Variants in CGB5 observed in about 807,000 individuals in gnomAD.
The protein encoded by CGB5 is chorionic gonadotropin, beta polypeptide 5.
In CGB5, 2 loss-of-function variants were observed where a neutral mutation model predicts 7.6. The ratio of observed to expected loss-of-function variants is 0.26; its 90% CI spans 0.11 to 0.83. The LOEUF (loss-of-function observed/expected upper bound fraction) is 0.83. Among genes scored for constraint, CGB5 ranks in the 40% least tolerant of loss-of-function variants. CGB5 has a pLI of 0.65. For missense variants in CGB5, 48 were observed against 228.2 expected, an observed-to-expected ratio of 0.21 and a Z score of 5.09; for synonymous variants, 25 against 99.8, an observed-to-expected ratio of 0.25 and a Z score of 4.47.
chr19:49,043,945 C>G lies in CGB5; in HGVS notation c.-265C>G, dbSNP rs201518833. 26 of 1,168,984 alleles carry G rather than the reference C, an allele frequency of 2.2e-5. 1 individual carries two copies. In the African/African-American group the frequency reaches 2.5e-4, roughly 11 times the overall value. The allele number at this position is 1,168,984 out of a possible 1,614,324, so 72.4% of individuals were successfully genotyped here. On this transcript the variant is annotated 5_prime_UTR_variant, in exon 1 of 3. Transcript: ENST00000301408. ...ACCCTACTCCCTGTGCCTCCAGGCT[C>G]GACTAGTCCCTAGCACTCGACGACT...
At chr19:49,044,553 G>A (rs1259540924) in intron 1 of CGB5, 24 bp from the exon 2 acceptor site, 1 of 1,518,942 alleles carries the variant, frequency 6.6e-7, no homozygotes, top group Non-Finnish European at 8.8e-7. Context: ...CTCAGACCCG[G>A]GTGAAGCAGT....
At chr19:49,044,844 CG>C (rs2039921514) in intron 2 of CGB5, 100 bp downstream of exon 2, 1 of 1,045,910 alleles carries the variant, frequency 9.6e-7, no homozygotes, top group Non-Finnish European at 1.3e-6. Flanking sequence ...TCAGGGGCTG[CG>C]GAATGGGGTG....
chr19:49,044,093 C>A lies in CGB5; in HGVS notation c.-117C>A, dbSNP rs1027288370. ...CCCCCCTGGCCTTGTCTACCTCTTG[C>A]CCCCCGAAGGGTTAGTGTCGAGCTC... On this transcript the variant is annotated 5_prime_UTR_variant, in exon 1 of 3. Coordinates refer to ENST00000301408, the MANE Select transcript of CGB5 (RefSeq NM_033043.2). 3 of 1,594,690 alleles carry A rather than the reference C, an allele frequency of 1.9e-6. No individual in the cohort carries two copies. In the Admixed American group the frequency reaches 5.0e-5, roughly 27 times the overall value.
At chr19:49,044,449 G>T (rs1018529549) in intron 1 of CGB5, 128 bp from the exon 2 acceptor site, 14 of 1,451,482 alleles carry the variant, frequency 9.6e-6, no homozygotes, top group Admixed American at 2.6e-5. Context: ...TGTCCGGGTG[G>T]TGGGTCCTGA....
At chr19:49,044,898 A>G (rs1484414115) in intron 2 of CGB5, 82 bp from the exon 3 acceptor site, 30 of 1,588,242 alleles carry the variant, frequency 1.9e-5, no homozygotes, top group Non-Finnish European at 2.5e-5. Flanking sequence ...CCTGAGTCTG[A>G]GACCTGTGGG....
At position 49,044,203 on chromosome 19, in the gene CGB5, A is replaced by T; in HGVS notation, c.-7A>T. 1 of 1,613,568 alleles carries T rather than the reference A, an allele frequency of 6.2e-7. No individual in the cohort carries two copies. Among genetic ancestry groups the T allele is most frequent in the Non-Finnish European group, 8.5e-7 (1 of 1,179,854 alleles). ...GCCAGGTACACGAGGCAGGGGACGC[A>T]CCAAGGATGGAGATGTTCCAGGTAA... On this transcript the variant is annotated 5_prime_UTR_variant, in exon 1 of 3. Coordinates refer to ENST00000301408, the MANE Select transcript of CGB5 (RefSeq NM_033043.2).
At chr19:49,044,927 C>T in intron 2 of CGB5, 53 bp from the exon 3 acceptor site, 1 of 1,592,078 alleles carries the variant, frequency 6.3e-7, no homozygotes, top group Non-Finnish European at 8.5e-7. Context: ...GGGAGCTCAG[C>T]TGAGGCGCTG....
chr19:49,044,093 C>T lies in CGB5; in HGVS notation c.-117C>T, dbSNP rs1027288370. The T allele has an allele frequency of 1.1e-5, 18 of 1,594,688 alleles. No individual in the cohort carries two copies. Among genetic ancestry groups the T allele is most frequent in the African/African-American group, 1.3e-5 (1 of 74,262 alleles). ...CCCCCCTGGCCTTGTCTACCTCTTG[C>T]CCCCCGAAGGGTTAGTGTCGAGCTC... On this transcript the variant is annotated 5_prime_UTR_variant, in exon 1 of 3. Transcript: ENST00000301408.
rs757085288 is a variant in CGB5 at position 49,044,182 on chromosome 19, G to A, written c.-28G>A. ...CCCACAACCCCGAGGTATAAAGCCA[G>A]GTACACGAGGCAGGGGACGCACCAA... On this transcript the variant is annotated 5_prime_UTR_variant, in exon 1 of 3. Transcript: ENST00000301408. 6.2e-7 allele frequency: 1 copy of A among 1,613,830 alleles called. No homozygotes were observed. The highest frequency in any genetic ancestry group is 8.5e-7 in the Non-Finnish European group (1 of 1,179,880).
At chr19:49,044,398 C>T (rs1397462633) in intron 1 of CGB5, 174 bp downstream of exon 1, 1 of 982,344 alleles carries the variant, frequency 1.0e-6, no homozygotes, top group African/African-American at 1.8e-5. Flanking sequence ...TTTGGGGCAT[C>T]TCAGGTCCTC....
intron 1 of CGB5, 170 bp downstream of exon 1, chr19:49,044,394 G>A (rs1262944407): frequency 6.9e-5 from 68 of 982,498 alleles, no homozygotes; most frequent in Middle Eastern, 5.2e-4. Flanking sequence ...AAATTTTGGG[G>A]CATCTCAGGT....
In CGB5 at chr19:49,044,919, G is replaced by T. The variant is rs548090953; in HGVS notation, c.184-61G>T. The stretch of plus-strand genomic sequence containing the variant: ...TCTGAGACCTGTGGGGGCAACTGGG[G>T]AGCTCAGCTGAGGCGCTGGCCCCAG... On this transcript the variant is annotated intron_variant, in intron 2 of 2. Transcript: ENST00000301408. The T allele has an allele frequency of 1.2e-4, 192 of 1,591,682 alleles. 1 individual carries two copies. The highest frequency in any genetic ancestry group is 1.1e-3 in the Middle Eastern group (5 of 4,418).
Position 49,044,665 on chromosome 19 carries a change from C to T in CGB5, c.104C>T (p.Thr35Ile), listed in dbSNP as rs199824672. The T allele has an allele frequency of 1.8e-5, 29 of 1,576,360 alleles. No individual in the cohort carries two copies. Among genetic ancestry groups the T allele is most frequent in the South Asian group, 1.7e-4 (15 of 90,080 alleles). The change falls in exon 2 of 3, where the codon ACC (threonine) becomes ATC (isoleucine). Residue 35 changes from threonine to isoleucine, a missense_variant. By Grantham distance (89) the Thr-to-Ile change is moderately conservative (BLOSUM62 -1). Around this residue, in one of 3 missense-constraint regions of CGB5, gnomAD observed 5 missense variants for 66.5 expected, o/e 0.08. Transcript: ENST00000301408. ...LRPRCRPINATLAVEKEGCPV... is the reference protein window; with the variant it reads ...LRPRCRPINAILAVEKEGCPV... Reference sequence around the variant, plus strand: ...CCACGGTGCCGCCCCATCAATGCCACCCTGGCTGTGGAGAAGGAGGGCTGC... The same window carrying T: ...CCACGGTGCCGCCCCATCAATGCCATCCTGGCTGTGGAGAAGGAGGGCTGC...
At position 49,044,164 on chromosome 19, in the gene CGB5, C is replaced by A. The variant is rs770426766; in HGVS notation, c.-46C>A. On this transcript the variant is annotated 5_prime_UTR_variant, in exon 1 of 3. Transcript: ENST00000301408. ...CCTGGTGGCCTTGCCGCCCCCACAA[C>A]CCCGAGGTATAAAGCCAGGTACACG... is the stretch of plus-strand genomic sequence containing the variant. 5.8e-5 allele frequency: 94 copies of A among 1,613,710 alleles called. 1 individual carries two copies. Among genetic ancestry groups the A allele is most frequent in the African/African-American group, 8.0e-5 (6 of 74,794 alleles).
chr19:49,044,090 T>C lies in CGB5; in HGVS notation c.-120T>C. 1 of 1,589,626 alleles carries C rather than the reference T, an allele frequency of 6.3e-7. No homozygotes were observed. Among genetic ancestry groups the C allele is most frequent in the South Asian group, 1.1e-5 (1 of 89,950 alleles). The stretch of plus-strand genomic sequence containing the variant: ...GCGCCCCCCTGGCCTTGTCTACCTC[T>C]TGCCCCCCGAAGGGTTAGTGTCGAG... On this transcript the variant is annotated 5_prime_UTR_variant, in exon 1 of 3. Transcript: ENST00000301408.
Position 49,045,291 on chromosome 19 carries a change from A to G in CGB5, c.495A>G (p.Gln165=), listed in dbSNP as rs1293666843. The change falls in exon 3 of 3, where the codon CAA becomes CAG. Residue 165 remains glutamine (Q), a synonymous_variant. Coordinates refer to ENST00000301408, the MANE Select transcript of CGB5 (RefSeq NM_033043.2). ...CCTCGGACACCCCGATCCTCCCACAATAAAGGCTTCTCAATCCGCACTCTG... is the reference window on the plus strand; with the variant it reads ...CCTCGGACACCCCGATCCTCCCACAGTAAAGGCTTCTCAATCCGCACTCTG... ...PGPSDTPILP[Q] is the part of the protein sequence containing the mutation. 9 of 1,610,484 alleles carry G rather than the reference A, an allele frequency of 5.6e-6. No individual in the cohort carries two copies. Among genetic ancestry groups the G allele is most frequent in the Non-Finnish European group, 6.8e-6 (8 of 1,179,422 alleles).
At position 49,043,869 on chromosome 19, in the gene CGB5, C is replaced by A; in HGVS notation, c.-341C>A. On this transcript the variant is annotated 5_prime_UTR_variant, in exon 1 of 3. Coordinates refer to ENST00000301408, the MANE Select transcript of CGB5 (RefSeq NM_033043.2). ...ATCCAGCACTTTGCTCGGGTCACGG[C>A]CTCCTCCTGGCTCCCAGGACCCCAC... is the stretch of plus-strand genomic sequence containing the variant. 5 of 1,279,732 alleles carry A rather than the reference C, an allele frequency of 3.9e-6. No homozygotes were observed. The highest frequency in any genetic ancestry group is 5.0e-6 in the Non-Finnish European group (5 of 995,146). The allele number at this position is 1,279,732 out of a possible 1,614,324, so 79.3% of individuals were successfully genotyped here.
chr19:49,044,859 G>A (rs984652859), intron 2 of CGB5, 115 bp downstream of exon 2: 1 of 1,469,116 alleles, frequency 6.8e-7, no homozygotes, highest in Non-Finnish European at 9.2e-7. Context: ...TGGGGTGTGG[G>A]AGGGCAGGAA....
chr19:49,044,991 G>A lies in CGB5; in HGVS notation c.195G>A (p.Leu65=). The A allele has an allele frequency of 1.3e-6, 2 of 1,565,270 alleles. No homozygotes were observed. Among genetic ancestry groups the A allele is most frequent in the Non-Finnish European group, 1.7e-6 (2 of 1,164,542 alleles). Residue 65 remains leucine (L), a synonymous_variant, in exon 3 of 3, where the codon CTG becomes CTA. Transcript: ENST00000301408. ...AGYCPTMTRV[L]QGVLPALPQV... is the part of the protein sequence containing the mutation. ...CACACGGCTTCCAGACCCGCGTGCT[G>A]CAGGGGGTCCTGCCGGCCCTGCCTC...
Sources: gnomAD v4.1 joint callset for allele counts on GRCh38, gnomAD v4.1.1 for gene constraint, gnomAD v4.1.1 regional missense constraint, MANE v1.5 for transcripts, NCBI Gene and HGNC (gene_info 2026-07-23, HGNC 2026-07-21) for gene names.